LRMDA: variants seen among roughly 807,000 people sequenced by gnomAD.
The protein encoded by LRMDA is leucine rich melanocyte differentiation associated, also known as leucine-rich melanocyte differentiation-associated protein.
A neutral mutation model predicts 29.8 loss-of-function variants in LRMDA; 18 were observed. The observed-to-expected ratio is 0.60, with a 90% CI of 0.42 to 0.90. The LOEUF (loss-of-function observed/expected upper bound fraction) is 0.90, where lower values mean the gene tolerates loss of function less well. Ranked by LOEUF, LRMDA falls within the 40% of genes least tolerant of loss-of-function variation. The pLI is 0.00. For missense variants in LRMDA, 273 were observed against 273.9 expected (o/e 1.00, Z 0.02); for synonymous variants, 125 against 109.4 (o/e 1.14, Z -0.89).
chr10:76,550,894 G>C lies in LRMDA; in HGVS notation c.602-6315G>C, dbSNP rs148089370. Among the ~76,000 whole-genome samples, 340 of 152,202 alleles carry C rather than the reference G, an allele frequency of 2.2e-3. 1 individual carries two copies. Among genetic ancestry groups the C allele is most frequent in the African/African-American group, 8.0e-3 (334 of 41,528 alleles). ...ACACTGAAGTAGGATGTTGTGCTAGGAGCCTGTCATTTCTCAGGCTCCACT... is the reference window on the plus strand; with the variant it reads ...ACACTGAAGTAGGATGTTGTGCTAGCAGCCTGTCATTTCTCAGGCTCCACT... On this transcript the variant is annotated intron_variant, in intron 6 of 6. Coordinates refer to ENST00000611255, the MANE Select transcript of LRMDA (RefSeq NM_001305581.2).
intron 2 of LRMDA, among the ~76,000 whole-genome samples, chr10:75,445,172 G>C (rs1485204010): frequency 6.6e-6 from 1 of 152,146 alleles, no homozygotes; most frequent in African/African-American, 2.4e-5. Flanking sequence ...TTGAACTGCT[G>C]GGCTGAAGTG....
At chr10:76,047,058 G>A in intron 3 of LRMDA, 106 bp from the exon 4 acceptor site, 1 of 1,214,658 alleles carries the variant, frequency 8.2e-7, no homozygotes, top group South Asian at 1.3e-5. Flanking sequence ...CCCCCACCCT[G>A]AGGTCTCACA....
At chr10:75,697,929 C>A (rs991829435) in intron 2 of LRMDA, among the ~76,000 whole-genome samples, 1 of 152,012 alleles carries the variant, frequency 6.6e-6, no homozygotes, top group African/African-American at 2.4e-5. Context: ...CACCTGAGTG[C>A]TTGCTTTTGC....
At chr10:76,122,938 C>T (rs889844657) in intron 5 of LRMDA, among the ~76,000 whole-genome samples, 1 of 152,136 alleles carries the variant, frequency 6.6e-6, no homozygotes, top group African/African-American at 2.4e-5. Flanking sequence ...GAAGGTTCCA[C>T]CTCTGTTATG....
rs1044753577 is a variant in LRMDA at position 75,626,050 on chromosome 10, C to T, written c.131+187556C>T. On this transcript the variant is annotated intron_variant, in intron 2 of 6. Coordinates refer to ENST00000611255, the MANE Select transcript of LRMDA (RefSeq NM_001305581.2). ...TTTTAATTTTAATTTTTAGTAGAGA[C>T]GGGGTCTTGCTATGTTGCCCAAGCT... Among the ~76,000 whole-genome samples the T allele has an allele frequency of 4.0e-5, 6 of 151,132 alleles. No individual in the cohort carries two copies. In the South Asian group the frequency reaches 6.3e-4, roughly 16 times the overall value.
intron 2 of LRMDA, among the ~76,000 whole-genome samples, chr10:76,006,983 CGTGTGT>C (rs572881040): frequency 7.6e-4 from 88 of 116,208 alleles, no homozygotes; most frequent in African/African-American, 2.3e-3. Flanking sequence ...ATGGAGAAGG[CGTGTGT>C]GTGTGTGTGT....
intron 2 of LRMDA, among the ~76,000 whole-genome samples, chr10:75,670,663 G>A (rs1380941074): frequency 6.6e-6 from 1 of 152,118 alleles, no homozygotes; most frequent in South Asian, 2.1e-4. Flanking sequence ...TGACCATTAG[G>A]TTCTTTCTCT....
intron 5 of LRMDA, among the ~76,000 whole-genome samples, chr10:76,254,722 T>C (rs1056052738): frequency 2.0e-5 from 3 of 152,124 alleles, no homozygotes; most frequent in Admixed American, 6.5e-5. Flanking sequence ...TCTCCTCTCC[T>C]CTCTCTCTAT....
intron 6 of LRMDA, among the ~76,000 whole-genome samples, chr10:76,534,161 A>G (rs1843267086): frequency 6.6e-6 from 1 of 152,194 alleles, no homozygotes; most frequent in Non-Finnish European, 1.5e-5. Context: ...ATATTACATT[A>G]TTACATATTA....
At chr10:75,580,322 C>A (rs2195627) in intron 2 of LRMDA, among the ~76,000 whole-genome samples, 3 of 152,192 alleles carry the variant, frequency 2.0e-5, no homozygotes, top group Non-Finnish European at 4.4e-5. Context: ...CCATTCACAA[C>A]TGCTACAAAG....
chr10:76,505,826 G>A (rs933922946), intron 6 of LRMDA, among the ~76,000 whole-genome samples: 7 of 152,098 alleles, frequency 4.6e-5, no homozygotes, highest in African/African-American at 1.4e-4. Flanking sequence ...GGAGGGAAAG[G>A]AACACTCTGA....
At chr10:76,189,427 C>T (rs1005857433) in intron 5 of LRMDA, among the ~76,000 whole-genome samples, 3 of 152,136 alleles carry the variant, frequency 2.0e-5, no homozygotes, top group Non-Finnish European at 2.9e-5. Context: ...CTGTTGGGTA[C>T]TGCACAGCAT....
intron 2 of LRMDA, among the ~76,000 whole-genome samples, chr10:75,972,057 G>A (rs981687229): frequency 6.6e-6 from 1 of 152,192 alleles, no homozygotes; most frequent in Non-Finnish European, 1.5e-5. Context: ...GGCAAGAAAG[G>A]GGGAGTGAGA....
At chr10:76,359,479 C>T (rs1424339833) in intron 6 of LRMDA, among the ~76,000 whole-genome samples, 1 of 152,198 alleles carries the variant, frequency 6.6e-6, no homozygotes, top group African/African-American at 2.4e-5. Context: ...AGATAGTACA[C>T]TAGATCCAAG....
At chr10:75,822,731 A>AT (rs918753228) in intron 2 of LRMDA, among the ~76,000 whole-genome samples, 17 of 150,340 alleles carry the variant, frequency 1.1e-4, no homozygotes, top group East Asian at 7.8e-4. Flanking sequence ...ATTCAGTATA[A>AT]TTTTTTTTTT....
intron 2 of LRMDA, among the ~76,000 whole-genome samples, chr10:75,467,084 A>G (rs752341621): frequency 2.3e-4 from 35 of 152,176 alleles, no homozygotes; most frequent in Non-Finnish European, 4.4e-4. Flanking sequence ...GGTGACTGCA[A>G]CCCAGCCAAG....
intron 5 of LRMDA, among the ~76,000 whole-genome samples, chr10:76,289,612 C>T (rs1840314132): frequency 7.9e-5 from 12 of 152,154 alleles, no homozygotes; most frequent in Admixed American, 7.9e-4. Flanking sequence ...TCCTGGTTAA[C>T]TATAGTCTGG....
At chr10:76,082,187 C>T (rs1849059970) in intron 5 of LRMDA, among the ~76,000 whole-genome samples, 1 of 152,128 alleles carries the variant, frequency 6.6e-6, no homozygotes, top group Non-Finnish European at 1.5e-5. Flanking sequence ...AACTGTGGGA[C>T]TTGACTATGC....
chr10:76,375,881 G>T (rs1380651530), intron 6 of LRMDA, among the ~76,000 whole-genome samples: 1 of 152,102 alleles, frequency 6.6e-6, no homozygotes, highest in Non-Finnish European at 1.5e-5. Flanking sequence ...AAGAATAGAA[G>T]TGTGTTGTAA....
Sources: allele counts gnomAD v4.1 joint callset (sites outside exome capture counted in the v4.1 genomes callset), GRCh38; gene constraint gnomAD v4.1.1; transcripts MANE v1.5; gene names NCBI Gene and HGNC (gene_info 2026-07-23, HGNC 2026-07-21).